PIBF1: variants seen among roughly 807,000 people sequenced by gnomAD.
PIBF1 encodes the protein progesterone immunomodulatory binding factor 1.
A neutral mutation model predicts 112.5 loss-of-function variants in PIBF1; 90 were observed. The ratio of observed to expected loss-of-function variants is 0.80; its 90% CI spans 0.67 to 0.95. PIBF1 has a LOEUF of 0.95. PIBF1 is among the 40% of genes least tolerant of loss of function. The pLI, the probability that PIBF1 is intolerant of heterozygous loss-of-function variation, is 0.00. For missense variants in PIBF1, 915 were observed against 852.3 expected (o/e 1.07, Z -0.92); for synonymous variants, 301 against 288.6 (o/e 1.04, Z -0.44).
intron 15 of PIBF1, among the ~76,000 whole-genome samples, chr13:72,971,615 A>G (rs1396622904): frequency 6.6e-6 from 1 of 152,246 alleles, no homozygotes. Flanking sequence ...TATCTAAATT[A>G]GTAACACTGT....
intron 17 of PIBF1, among the ~76,000 whole-genome samples, chr13:73,011,483 G>A (rs1471811463): frequency 6.6e-6 from 1 of 152,150 alleles, no homozygotes; most frequent in Non-Finnish European, 1.5e-5. Context: ...TCTCAACAAG[G>A]TCTCCCTTCA....
At chr13:72,934,329 C>T (rs140021165) in intron 14 of PIBF1, among the ~76,000 whole-genome samples, 71 of 152,230 alleles carry the variant, frequency 4.7e-4, no homozygotes, top group African/African-American at 1.4e-3. Context: ...GACAGAGTCT[C>T]GCTCTCTCGC....
At chr13:72,940,452 T>C (rs1427306858) in intron 14 of PIBF1, among the ~76,000 whole-genome samples, 1 of 152,194 alleles carries the variant, frequency 6.6e-6, no homozygotes, top group Admixed American at 6.5e-5. Flanking sequence ...TTTTATATTC[T>C]TGCCTACTAA....
At chr13:72,799,056 A>G (rs762491452) in intron 5 of PIBF1, among the ~76,000 whole-genome samples, 3 of 152,178 alleles carry the variant, frequency 2.0e-5, no homozygotes, top group Non-Finnish European at 2.9e-5. Context: ...TTTACTTTCT[A>G]GCAGGTTAGG....
At chr13:72,840,689 A>G (rs758226541) in intron 9 of PIBF1, among the ~76,000 whole-genome samples, 1 of 151,806 alleles carries the variant, frequency 6.6e-6, no homozygotes, top group Non-Finnish European at 1.5e-5. Flanking sequence ...ACGCCCGGCT[A>G]ATTTTCATAT....
At chr13:73,011,259 G>C (rs2044195097) in intron 17 of PIBF1, among the ~76,000 whole-genome samples, 2 of 152,142 alleles carry the variant, frequency 1.3e-5, no homozygotes, top group Admixed American at 6.5e-5. Flanking sequence ...CCAGTGCTGG[G>C]GTAGGAAAAC....
chr13:72,826,954 T>A, intron 6 of PIBF1, 56 bp from the exon 7 acceptor site: 1 of 974,860 alleles, frequency 1.0e-6, no homozygotes, highest in Non-Finnish European at 1.5e-6. Context: ...TTTTAAAGTG[T>A]ACGCTGTACA....
At chr13:72,830,575 T>C (rs969114000) in intron 8 of PIBF1, among the ~76,000 whole-genome samples, 9 of 152,164 alleles carry the variant, frequency 5.9e-5, no homozygotes, top group Admixed American at 1.3e-4. Context: ...ATGGATTACG[T>C]TTATTGATTT....
chr13:72,930,532 T>C (rs1440826395), intron 13 of PIBF1, among the ~76,000 whole-genome samples: 1 of 152,172 alleles, frequency 6.6e-6, no homozygotes, highest in Non-Finnish European at 1.5e-5. Flanking sequence ...AGAATTGAGA[T>C]GTTTCATATG....
At chr13:72,783,170 TTTC>T (rs1451365659) in intron 1 of PIBF1, among the ~76,000 whole-genome samples, 3 of 152,162 alleles carry the variant, frequency 2.0e-5, no homozygotes, top group Non-Finnish European at 4.4e-5. Context: ...ATCTTGTACA[TTTC>T]TTTGTTTCCT....
At chr13:72,956,975 C>T (rs779671638) in intron 14 of PIBF1, among the ~76,000 whole-genome samples, 7 of 152,192 alleles carry the variant, frequency 4.6e-5, no homozygotes, top group Non-Finnish European at 8.8e-5. Context: ...TACCACCTCA[C>T]TCCTGCAAGA....
chr13:72,935,633 T>C (rs868749196), intron 14 of PIBF1, among the ~76,000 whole-genome samples: 3 of 152,346 alleles, frequency 2.0e-5, no homozygotes, highest in Admixed American at 6.5e-5. Flanking sequence ...GTTTCCCAGA[T>C]GTTTGTACCA....
intron 10 of PIBF1, 113 bp downstream of exon 10, chr13:72,854,268 GAC>G: frequency 1.6e-6 from 1 of 629,504 alleles, no homozygotes; most frequent in Non-Finnish European, 2.7e-6. Context: ...ATTGAGGAGA[GAC>G]TAATTTTCAT....
chr13:72,855,672 T>TA (rs978175253), intron 10 of PIBF1, among the ~76,000 whole-genome samples: 5 of 151,670 alleles, frequency 3.3e-5, no homozygotes, highest in African/African-American at 9.7e-5. Flanking sequence ...TTAGTTTATC[T>TA]AAAAAAAATA....
chr13:72,877,169 G>A (rs1173034166), intron 10 of PIBF1, among the ~76,000 whole-genome samples: 1 of 152,066 alleles, frequency 6.6e-6, no homozygotes, highest in Non-Finnish European at 1.5e-5. Flanking sequence ...GCTTGTTGAT[G>A]TGATGGATCA....
chr13:72,920,842 G>A (rs568704572), intron 13 of PIBF1, among the ~76,000 whole-genome samples: 61 of 152,094 alleles, frequency 4.0e-4, no homozygotes, highest in South Asian at 2.5e-3. Context: ...AACTTAAGGC[G>A]AATGATAAAA....
intron 14 of PIBF1, among the ~76,000 whole-genome samples, chr13:72,936,631 C>T (rs1156471624): frequency 2.6e-5 from 4 of 152,150 alleles, no homozygotes; most frequent in Non-Finnish European, 5.9e-5. Context: ...CTGTTCTCGA[C>T]TCTCTGTTCC....
rs1491281184 is a variant in PIBF1, at chr13:72,832,071, C to CTTTTTTTTTTT, written c.1098-3172_1098-3171insTTTTTTTTTTT. 3.5e-4 allele frequency among the ~76,000 whole-genome samples: 21 copies of CTTTTTTTTTTT among 59,494 alleles called. 4 individuals carry two copies. Among genetic ancestry groups the CTTTTTTTTTTT allele is most frequent in the Admixed American group, 5.1e-4 (2 of 3,934 alleles). 39.0% of individuals were successfully genotyped at this position (59,494 alleles called of 152,430 possible). ...TCAGAGATTAGAATTGCAATTCCGG[C>CTTTTTTTTTTT]CTTTTTTTTTTTTTTTTTTTTTTTT... On this transcript the variant is annotated intron_variant, in intron 8 of 17. Transcript: ENST00000326291.
At chr13:72,982,968 T>C (rs1450702699) in intron 16 of PIBF1, among the ~76,000 whole-genome samples, 1 of 152,210 alleles carries the variant, frequency 6.6e-6, no homozygotes, top group African/African-American at 2.4e-5. Flanking sequence ...GAGATGGTAG[T>C]TGTAGGCACA....
Sources: gnomAD v4.1 joint callset for allele counts (sites outside exome capture counted in the v4.1 genomes callset) on GRCh38, gnomAD v4.1.1 for gene constraint, MANE v1.5 for transcripts, NCBI Gene and HGNC (gene_info 2026-07-23, HGNC 2026-07-21) for gene names.